Variants in TOP1 observed in about 807,000 individuals in gnomAD.
The protein encoded by TOP1 is DNA topoisomerase 1.
A neutral mutation model predicts 111.1 loss-of-function variants in TOP1; 10 were observed. The observed-to-expected ratio is 0.09, with a 90% CI of 0.06 to 0.15. The LOEUF (loss-of-function observed/expected upper bound fraction) is 0.15, where lower values mean the gene tolerates loss of function less well. Among genes scored for constraint, TOP1 ranks in the 10% least tolerant of loss-of-function variants. The pLI, the probability that TOP1 is intolerant of heterozygous loss-of-function variation, is 1.00. For synonymous variants in TOP1, 271 were observed against 302.9 expected, an observed-to-expected ratio of 0.89 and a Z score of 1.10; for missense variants, 474 against 926.7, an observed-to-expected ratio of 0.51 and a Z score of 6.34.
At chr20:41,033,203 G>A (rs1471285507) in intron 2 of TOP1, among the ~76,000 whole-genome samples, 4 of 152,210 alleles carry the variant, frequency 2.6e-5, no homozygotes, top group Admixed American at 6.5e-5. Flanking sequence ...TCAGAAATAC[G>A]TTGTGGCTTG....
At chr20:41,062,908 CTT>C (rs1241985155) in intron 3 of TOP1, among the ~76,000 whole-genome samples, 1 of 152,114 alleles carries the variant, frequency 6.6e-6, no homozygotes, top group Non-Finnish European at 1.5e-5. Context: ...AGAATTTTCT[CTT>C]TTCTTTCTGT....
chr20:41,113,010 C>CTCACATACTCACATACATATATTTGTA, intron 14 of TOP1, 85 bp downstream of exon 14: 1 of 1,358,592 alleles, frequency 7.4e-7, no homozygotes. Context: ...GTGCCACATA[C>CTCACATACTCACATACATATATTTGTA]TGTATATCAC....
At position 41,067,723 on chromosome 20, in the gene TOP1, C is replaced by G. The variant is rs2033624670; in HGVS notation, c.155+6233C>G. On this transcript the variant is annotated intron_variant, in intron 3 of 20. Transcript: ENST00000361337. This position sits in a 1 kb window ranked among gnomAD's most constrained non-coding sequence, Gnocchi z 4.0. ...GATATTAGCACCAATCATTTGTCAT[C>G]AGGCTATACTTAGGACCCAAGCCCA... is the stretch of plus-strand genomic sequence containing the variant. Among the ~76,000 whole-genome samples the G allele has an allele frequency of 6.6e-6, 1 of 152,198 alleles. No homozygotes were observed. The highest frequency in any genetic ancestry group is 1.5e-5 in the Non-Finnish European group (1 of 68,038).
At chr20:41,073,310 A>C (rs1205157535) in intron 3 of TOP1, 7 of 985,114 alleles carry the variant, frequency 7.1e-6, no homozygotes, top group Non-Finnish European at 8.4e-6. Flanking sequence ...AACTTAAAGG[A>C]AGATGGAGTG....
chr20:41,113,809 G>A (rs1029195824), intron 14 of TOP1, among the ~76,000 whole-genome samples, 161 bp from the exon 15 acceptor site: 1 of 151,350 alleles, frequency 6.6e-6, no homozygotes, highest in Non-Finnish European at 1.5e-5. Flanking sequence ...CATGAACCCG[G>A]GAGACGGAGC....
intron 8 of TOP1, among the ~76,000 whole-genome samples, chr20:41,090,615 G>A (rs1188295487): frequency 6.6e-6 from 1 of 152,110 alleles, no homozygotes; most frequent in African/African-American, 2.4e-5. Context: ...CGATTCTTGT[G>A]TCTCAGTCTC....
At chr20:41,037,223 T>G (rs2033200594) in intron 2 of TOP1, among the ~76,000 whole-genome samples, 1 of 152,136 alleles carries the variant, frequency 6.6e-6, no homozygotes. Flanking sequence ...ATGAAAGAAG[T>G]CTATTGATGT....
At chr20:41,036,366 A>G (rs2033185175) in intron 2 of TOP1, among the ~76,000 whole-genome samples, 1 of 152,184 alleles carries the variant, frequency 6.6e-6, no homozygotes, top group Non-Finnish European at 1.5e-5. Flanking sequence ...TTGGTGTAGG[A>G]TTCCGAAAAA....
rs2034210131 is a variant in TOP1, at chr20:41,110,081, G to C, written c.1309-2701G>C. 6.6e-6 allele frequency among the ~76,000 whole-genome samples: 1 copy of C among 152,202 alleles called. No homozygotes were observed. The highest frequency in any genetic ancestry group is 6.5e-5 in the Admixed American group (1 of 15,290). On this transcript the variant is annotated intron_variant, in intron 13 of 20. Transcript: ENST00000361337. This position sits in a 1 kb window ranked among gnomAD's most constrained non-coding sequence, Gnocchi z 4.2. The stretch of plus-strand genomic sequence containing the variant: ...GCGGGTGGATCACTTCAGGTCAGGA[G>C]TTCGAGACCAGCCTGGCCAACATGG...
chr20:41,086,839 C>T (rs903239158), intron 8 of TOP1, among the ~76,000 whole-genome samples: 2 of 152,150 alleles, frequency 1.3e-5, no homozygotes, highest in Non-Finnish European at 2.9e-5. Flanking sequence ...CTTGCACATT[C>T]TTTTCAAGCA....
At chr20:41,052,950 A>G (rs918559140) in intron 2 of TOP1, among the ~76,000 whole-genome samples, 1 of 152,206 alleles carries the variant, frequency 6.6e-6, no homozygotes, top group African/African-American at 2.4e-5. Flanking sequence ...AGATTGCACC[A>G]CTGCACTCCA....
intron 5 of TOP1, 133 bp downstream of exon 5, chr20:41,077,770 A>G: frequency 1.3e-6 from 1 of 786,182 alleles, no homozygotes; most frequent in Non-Finnish European, 2.1e-6. Context: ...GAAGCTCAGC[A>G]GTGAGAAGAC....
At chr20:41,119,372 T>A (rs1402438715) in intron 18 of TOP1, among the ~76,000 whole-genome samples, 1 of 152,226 alleles carries the variant, frequency 6.6e-6, no homozygotes, top group Non-Finnish European at 1.5e-5. Flanking sequence ...CTCAGCATTT[T>A]GGGAGGTTGA....
chr20:41,062,149 A>G (rs186259659), intron 3 of TOP1, among the ~76,000 whole-genome samples: 299 of 152,338 alleles, frequency 2.0e-3, no homozygotes, highest in African/African-American at 6.8e-3. Flanking sequence ...TAGTTATTGA[A>G]AATGAGGACT....
chr20:41,052,865 C>T (rs1262466646), intron 2 of TOP1, among the ~76,000 whole-genome samples: 1 of 152,066 alleles, frequency 6.6e-6, no homozygotes, highest in East Asian at 1.9e-4. Context: ...TGGTATGCAC[C>T]TGTAATCCCA....
At position 41,084,334 on chromosome 20, in the gene TOP1, A is replaced by G. The variant is rs1383418412; in HGVS notation, c.508-128A>G. On this transcript the variant is annotated intron_variant, in intron 7 of 20. Transcript: ENST00000361337. Reference sequence around the variant, plus strand: ...TGTTATTCATCTGTCAAATGAGAGGAGTACTAAGATCTTCTTTAGTTCTAA... The same window carrying G: ...TGTTATTCATCTGTCAAATGAGAGGGGTACTAAGATCTTCTTTAGTTCTAA... The G allele has an allele frequency of 2.1e-5, 10 of 465,162 alleles. No individual in the cohort carries two copies. The Admixed American group carries it at 2.5e-4, about 12-fold the overall frequency. 28.8% of individuals were successfully genotyped at this position (465,162 alleles called of 1,614,324 possible). A position where few individuals can be genotyped will look rare whatever the true frequency, so the allele number is the denominator to read the frequency against.
Position 41,037,029 on chromosome 20 carries a change from A to G in TOP1, c.58+7574A>G, listed in dbSNP as rs969550750. 3.9e-5 allele frequency among the ~76,000 whole-genome samples: 6 copies of G among 151,960 alleles called. No homozygotes were observed. The South Asian group carries it at 1.2e-3, about 32-fold the overall frequency. ...GTATTTTTAGTAGATACAGGGTTTCACCGTGTTAGCCAGGATGGTCTCGAT... is the reference window on the plus strand; with the variant it reads ...GTATTTTTAGTAGATACAGGGTTTCGCCGTGTTAGCCAGGATGGTCTCGAT... On this transcript the variant is annotated intron_variant, in intron 2 of 20. Transcript: ENST00000361337.
chr20:41,039,159 T>G (rs751694462), intron 2 of TOP1, among the ~76,000 whole-genome samples: 142 of 152,238 alleles, frequency 9.3e-4, no homozygotes, highest in Non-Finnish European at 1.5e-3. Flanking sequence ...ATTCAGAAAG[T>G]GAATATTGTG....
chr20:41,081,826 C>T (rs1200230713), intron 7 of TOP1, among the ~76,000 whole-genome samples: 3 of 152,174 alleles, frequency 2.0e-5, no homozygotes, highest in East Asian at 1.9e-4. Context: ...TTCAAACTTC[C>T]GAGCTTTACG....
Sources: allele counts gnomAD v4.1 joint callset (sites outside exome capture counted in the v4.1 genomes callset), GRCh38; gene constraint gnomAD v4.1.1; non-coding constraint Gnocchi (gnomAD v3.1); transcripts MANE v1.5; gene names NCBI Gene and HGNC (gene_info 2026-07-23, HGNC 2026-07-21).